Variants in IL1RAPL1 observed in about 807,000 individuals in gnomAD.
IL1RAPL1 encodes interleukin-1 receptor accessory protein-like 1.
In IL1RAPL1, 3 loss-of-function variants were observed where a neutral mutation model predicts 48.4. The ratio of observed to expected loss-of-function variants is 0.06; its 90% CI spans 0.03 to 0.16. The LOEUF is 0.16. Ranked by LOEUF, IL1RAPL1 falls within the 10% of genes least tolerant of loss-of-function variation. IL1RAPL1 has a pLI of 1.00. For missense variants in IL1RAPL1, 349 were observed against 530.6 expected (o/e 0.66, Z 3.36); for synonymous variants, 185 against 187.7 (o/e 0.99, Z 0.12).
At chrX:29,334,925 G>A (rs1278529849) in intron 3 of IL1RAPL1, among the ~76,000 whole-genome samples, 3 of 112,845 alleles carry the variant, frequency 2.7e-5, no homozygotes, top group Middle Eastern at 4.7e-3. Context: ...CAATGCAGGC[G>A]GCTGGGAGGT....
chrX:28,729,880 C>T (rs1935732545), intron 1 of IL1RAPL1, among the ~76,000 whole-genome samples: 1 of 110,752 alleles, frequency 9.0e-6, no homozygotes, highest in Non-Finnish European at 1.9e-5. Flanking sequence ...CCTGTAGTCC[C>T]AGCTACTCTG....
Position 29,109,681 on chromosome X carries a change from G to A in IL1RAPL1, c.83-173257G>A, listed in dbSNP as rs182687978. 1.1e-4 allele frequency among the ~76,000 whole-genome samples: 12 copies of A among 110,713 alleles called. No individual in the cohort carries two copies. The Admixed American group carries it at 1.2e-3, about 11-fold the overall frequency. On this transcript the variant is annotated intron_variant, in intron 2 of 10. Transcript: ENST00000378993. ...GACATTGAGTATATAGTGCTAGTTT[G>A]TACTCGGATTGATTTATTTTCAAAT...
intron 2 of IL1RAPL1, among the ~76,000 whole-genome samples, chrX:29,007,307 G>A (rs1313786847): frequency 1.8e-5 from 2 of 111,848 alleles, no homozygotes; most frequent in Admixed American, 9.5e-5. Context: ...AAACTTATAG[G>A]AGGTATGAAG....
At chrX:29,727,247 A>T (rs962195766) in intron 6 of IL1RAPL1, among the ~76,000 whole-genome samples, 2 of 112,096 alleles carry the variant, frequency 1.8e-5, no homozygotes, top group African/African-American at 6.5e-5. Context: ...CCCTCCCTAT[A>T]GCAATGCTTG....
intron 6 of IL1RAPL1, among the ~76,000 whole-genome samples, chrX:29,907,554 A>AAATC (rs1467946949): frequency 4.5e-5 from 5 of 111,842 alleles, no homozygotes; most frequent in Non-Finnish European, 9.4e-5. Context: ...GCCTGGAGTT[A>AAATC]AATCTGGTAC....
intron 6 of IL1RAPL1, among the ~76,000 whole-genome samples, chrX:29,855,292 A>G (rs1931455145): frequency 8.9e-6 from 1 of 112,387 alleles, no homozygotes; most frequent in Admixed American, 9.4e-5. Context: ...TCATCTATGG[A>G]AACATGTTTG....
At chrX:29,029,506 C>T (rs1309172958) in intron 2 of IL1RAPL1, among the ~76,000 whole-genome samples, 1 of 111,699 alleles carries the variant, frequency 9.0e-6, no homozygotes, top group Non-Finnish European at 1.9e-5. Context: ...AATCTCTCAA[C>T]TGATTTCTTT....
At chrX:28,729,033 G>C (rs1029464107) in intron 1 of IL1RAPL1, among the ~76,000 whole-genome samples, 1 of 111,805 alleles carries the variant, frequency 8.9e-6, no homozygotes, top group African/African-American at 3.2e-5. Context: ...ATGTTACTCT[G>C]TATTATCATT....
At chrX:29,857,419 C>A (rs1931496645) in intron 6 of IL1RAPL1, among the ~76,000 whole-genome samples, 1 of 111,924 alleles carries the variant, frequency 8.9e-6, no homozygotes, top group Non-Finnish European at 1.9e-5. Context: ...ATTTCTATGT[C>A]TATGTCCATA....
chrX:29,836,188 C>CTTT (rs201175211), intron 6 of IL1RAPL1, among the ~76,000 whole-genome samples: 2 of 89,195 alleles, frequency 2.2e-5, no homozygotes, highest in African/African-American at 4.7e-5. Flanking sequence ...TTTCATTTTT[C>CTTT]TTTTTTTTTT....
chrX:29,202,235 C>T (rs765459048), intron 2 of IL1RAPL1, among the ~76,000 whole-genome samples: 80 of 111,666 alleles, frequency 7.2e-4, no homozygotes, highest in African/African-American at 2.5e-3. Context: ...AGAAGACAGA[C>T]ATACAGCCAA....
At chrX:29,302,152 C>T (rs1210700780) in intron 3 of IL1RAPL1, among the ~76,000 whole-genome samples, 1 of 111,635 alleles carries the variant, frequency 9.0e-6, no homozygotes, top group East Asian at 2.8e-4. Flanking sequence ...CTAAATGTCG[C>T]AGAGAAAATT....
intron 1 of IL1RAPL1, among the ~76,000 whole-genome samples, chrX:28,626,652 T>C (rs973084966): frequency 8.9e-6 from 1 of 112,539 alleles, no homozygotes; most frequent in Non-Finnish European, 1.9e-5. Flanking sequence ...GTGCAAATAC[T>C]TTCCCCCTTG....
chrX:29,803,191 G>A (rs1266858792), intron 6 of IL1RAPL1, among the ~76,000 whole-genome samples: 1 of 23,602 alleles, frequency 4.2e-5, no homozygotes, highest in African/African-American at 1.8e-4. Context: ...ATGTATATAT[G>A]TATACATATA....
chrX:28,970,468 G>T (rs1051235531), intron 2 of IL1RAPL1, among the ~76,000 whole-genome samples: 1 of 111,973 alleles, frequency 8.9e-6, no homozygotes, highest in Admixed American at 9.5e-5. Flanking sequence ...CTTTGTATCA[G>T]TTATCATGTC....
intron 5 of IL1RAPL1, among the ~76,000 whole-genome samples, chrX:29,599,624 A>G (rs1034748778): frequency 8.9e-6 from 1 of 112,559 alleles, no homozygotes; most frequent in Non-Finnish European, 1.9e-5. Flanking sequence ...CCAAACTTTT[A>G]GATTTCTCTT....
intron 1 of IL1RAPL1, among the ~76,000 whole-genome samples, chrX:28,661,826 A>G (rs1934825937): frequency 8.9e-6 from 1 of 112,033 alleles, no homozygotes; most frequent in Non-Finnish European, 1.9e-5. Flanking sequence ...TGTCCTTCTG[A>G]GTATGGTGAG....
chrX:28,841,213 A>G (rs933794312), intron 2 of IL1RAPL1, among the ~76,000 whole-genome samples: 1 of 110,919 alleles, frequency 9.0e-6, no homozygotes, highest in Non-Finnish European at 1.9e-5. Context: ...AGACAAATTT[A>G]CACTTATTAT....
chrX:29,712,753 G>A (rs778782540), intron 6 of IL1RAPL1, among the ~76,000 whole-genome samples: 1 of 111,803 alleles, frequency 8.9e-6, no homozygotes, highest in African/African-American at 3.2e-5. Context: ...TTTAAGAGGG[G>A]CATTGATTAA....
Sources: allele counts gnomAD v4.1 joint callset (sites outside exome capture counted in the v4.1 genomes callset), GRCh38; gene constraint gnomAD v4.1.1; transcripts MANE v1.5; gene names NCBI Gene and HGNC (gene_info 2026-07-23, HGNC 2026-07-21).